The following FBXL7 variants were observed in gnomAD, a reference collection of about 807,000 sequenced individuals.
FBXL7 encodes the protein F-box/LRR-repeat protein 7.
A neutral mutation model predicts 38.3 loss-of-function variants in FBXL7; 12 were observed. That is an observed-to-expected ratio of 0.31 (90% CI 0.20 to 0.51). FBXL7 has a LOEUF of 0.51. Ranked by LOEUF, FBXL7 falls within the 20% of genes least tolerant of loss-of-function variation. FBXL7 has a pLI of 0.98. For synonymous variants in FBXL7, 297 were observed against 300.9 expected (o/e 0.99, Z 0.13); for missense variants, 567 against 676.4 (o/e 0.84, Z 1.79).
chr5:15,702,906 A>G (rs1042984894), intron 2 of FBXL7, among the ~76,000 whole-genome samples: 1 of 152,056 alleles, frequency 6.6e-6, no homozygotes, highest in South Asian at 2.1e-4. Context: ...AATTACAGTC[A>G]AAGGGGGGTT....
intron 2 of FBXL7, among the ~76,000 whole-genome samples, chr5:15,810,200 C>T (rs549812715): frequency 6.6e-6 from 1 of 152,000 alleles, no homozygotes; most frequent in South Asian, 2.1e-4. Context: ...TTTCTCACCA[C>T]AAATAATATC....
In FBXL7 at chr5:15,851,916, C is replaced by G. The variant is rs141869151; in HGVS notation, c.128-75974C>G. Among the ~76,000 whole-genome samples the G allele has an allele frequency of 2.5e-3, 386 of 151,850 alleles. 1 individual carries two copies. Among genetic ancestry groups the G allele is most frequent in the African/African-American group, 8.5e-3 (351 of 41,378 alleles). The stretch of plus-strand genomic sequence containing the variant: ...ATATGTAGCTACCCTGTGGCCTCCC[C>G]CTAAGGTAACCACTTTACTTTTTAG... On this transcript the variant is annotated intron_variant, in intron 2 of 3. Coordinates refer to ENST00000504595, the MANE Select transcript of FBXL7 (RefSeq NM_012304.5).
chr5:15,586,817 A>C (rs1739321795), intron 1 of FBXL7, among the ~76,000 whole-genome samples: 1 of 152,250 alleles, frequency 6.6e-6, no homozygotes, highest in South Asian at 2.1e-4. Flanking sequence ...GAAGAGAGCT[A>C]TCTGGAGAAT....
chr5:15,516,420 C>T (rs1736938332), intron 1 of FBXL7, among the ~76,000 whole-genome samples: 1 of 152,222 alleles, frequency 6.6e-6, no homozygotes, highest in South Asian at 2.1e-4. Flanking sequence ...CTCCTAACTG[C>T]ATTCACTATG....
At position 15,927,898 on chromosome 5, in the gene FBXL7, C is replaced by G. The variant is rs1264920254; in HGVS notation, c.136C>G (p.Leu46Val). The G allele has an allele frequency of 6.6e-7, 1 of 1,520,396 alleles. No homozygotes were observed. The highest frequency in any genetic ancestry group is 1.4e-5 in the African/African-American group (1 of 71,978). The allele number at this position is 1,520,396 out of a possible 1,614,324, so 94.2% of individuals were successfully genotyped here. The change falls in exon 3 of 4, where the codon CTG (leucine) becomes GTG (valine). Residue 46 changes from leucine to valine, a missense_variant. By Grantham distance (32) the Leu-to-Val change is conservative. Coordinates refer to ENST00000504595, the MANE Select transcript of FBXL7 (RefSeq NM_012304.5). ...TCTCTGTCCTTTGCCAGACTCCGAC[C>G]TGAGCATGCGCACACTGAGCACGCC... ...KNVATSEDSD[L>V]SMRTLSTPSP...
intron 2 of FBXL7, among the ~76,000 whole-genome samples, chr5:15,626,124 A>G (rs1168051118): frequency 1.3e-5 from 2 of 152,304 alleles, no homozygotes; most frequent in East Asian, 3.9e-4. Flanking sequence ...TCTCAGGATC[A>G]TTTAGGAAAG....
intron 2 of FBXL7, among the ~76,000 whole-genome samples, chr5:15,727,895 T>C (rs1013610777): frequency 6.6e-6 from 1 of 152,164 alleles, no homozygotes; most frequent in Non-Finnish European, 1.5e-5. Flanking sequence ...CTTTGGGATC[T>C]GGTTACTTCC....
chr5:15,535,532 C>T (rs1737559975), intron 1 of FBXL7, among the ~76,000 whole-genome samples: 1 of 152,312 alleles, frequency 6.6e-6, no homozygotes, highest in South Asian at 2.1e-4. Context: ...AAGAGACTGG[C>T]AGCATTTTGC....
chr5:15,633,906 G>T (rs978778298), intron 2 of FBXL7, among the ~76,000 whole-genome samples: 1 of 151,520 alleles, frequency 6.6e-6, no homozygotes, highest in African/African-American at 2.4e-5. Context: ...TCAGCCTCCC[G>T]AGTACCTGGG....
chr5:15,784,776 A>G (rs1372557609), intron 2 of FBXL7, among the ~76,000 whole-genome samples: 7 of 152,182 alleles, frequency 4.6e-5, no homozygotes, highest in Non-Finnish European at 2.9e-5. Context: ...TGCTGGCACC[A>G]TGCTTGTACA....
chr5:15,737,998 C>T (rs773058045), intron 2 of FBXL7, among the ~76,000 whole-genome samples: 1 of 152,122 alleles, frequency 6.6e-6, no homozygotes, highest in Non-Finnish European at 1.5e-5. Context: ...TGAAAATGAG[C>T]ATCAACATAT....
chr5:15,713,657 G>C (rs1035067153), intron 2 of FBXL7, among the ~76,000 whole-genome samples: 14 of 152,290 alleles, frequency 9.2e-5, no homozygotes, highest in African/African-American at 3.4e-4. Context: ...AAAACTTTTA[G>C]ATGATTGTAG....
chr5:15,586,001 C>T (rs1452564506), intron 1 of FBXL7, among the ~76,000 whole-genome samples: 1 of 152,160 alleles, frequency 6.6e-6, no homozygotes. Flanking sequence ...ACTACAAGGC[C>T]TGGAGCCAGT....
Position 15,616,032 on chromosome 5 carries a change from C to CA in FBXL7, c.88dup (p.Thr30AsnfsTer4). On this transcript the variant is annotated frameshift_variant, in exon 2 of 4. Transcript: ENST00000504595. LOFTEE classifies it high-confidence loss of function. ...CTGACGTGAGTTCAAGTACAGATCACACGCCCACTAAAGCCCAGAAGAATG... is the reference window on the plus strand; with the variant it reads ...CTGACGTGAGTTCAAGTACAGATCACAACGCCCACTAAAGCCCAGAAGAATG... 1 of 1,613,582 alleles carries CA rather than the reference C, an allele frequency of 6.2e-7. No homozygotes were observed. Among genetic ancestry groups the CA allele is most frequent in the Non-Finnish European group, 8.5e-7 (1 of 1,179,644 alleles).
intron 2 of FBXL7, among the ~76,000 whole-genome samples, chr5:15,839,378 A>G (rs1470583101): frequency 6.6e-6 from 1 of 152,066 alleles, no homozygotes; most frequent in Non-Finnish European, 1.5e-5. Context: ...CTTTGTATTT[A>G]GGTCTTTAGT....
At chr5:15,823,582 G>C (rs1360400840) in intron 2 of FBXL7, among the ~76,000 whole-genome samples, 2 of 152,068 alleles carry the variant, frequency 1.3e-5, no homozygotes, top group East Asian at 3.9e-4. Flanking sequence ...GCCATTACTT[G>C]GAGGCTTCCC....
At chr5:15,924,757 G>T (rs749173988) in intron 2 of FBXL7, among the ~76,000 whole-genome samples, 1 of 151,508 alleles carries the variant, frequency 6.6e-6, no homozygotes, top group African/African-American at 2.4e-5. Context: ...CTCCTGAGTA[G>T]CTGGGATCAT....
chr5:15,668,729 C>T (rs980459506), intron 2 of FBXL7, among the ~76,000 whole-genome samples: 2 of 152,162 alleles, frequency 1.3e-5, no homozygotes, highest in Admixed American at 6.5e-5. Context: ...AAAAGTAAAA[C>T]TCATCAAGTT....
chr5:15,775,616 A>G (rs1736838107), intron 2 of FBXL7, among the ~76,000 whole-genome samples: 1 of 152,170 alleles, frequency 6.6e-6, no homozygotes, highest in South Asian at 2.1e-4. Context: ...TCAGTGATTT[A>G]CATAATCATG....
Sources: allele counts gnomAD v4.1 joint callset (sites outside exome capture counted in the v4.1 genomes callset), GRCh38; gene constraint gnomAD v4.1.1; transcripts MANE v1.5; gene names NCBI Gene and HGNC (gene_info 2026-07-23, HGNC 2026-07-21).